The following CCDC6 variants were observed in gnomAD, a reference collection of about 807,000 sequenced individuals.
CCDC6 encodes coiled-coil domain containing 6.
In CCDC6, 20 loss-of-function variants were observed where a neutral mutation model predicts 56.6. The observed-to-expected ratio is 0.35, with a 90% CI of 0.25 to 0.51. The LOEUF (loss-of-function observed/expected upper bound fraction) is 0.51, where lower values mean the gene tolerates loss of function less well. Among genes scored for constraint, CCDC6 ranks in the 20% least tolerant of loss-of-function variants. CCDC6 has a pLI of 0.95. For missense variants in CCDC6, 367 were observed against 601.1 expected (o/e 0.61, Z 4.07); for synonymous variants, 241 against 234.4 (o/e 1.03, Z -0.26).
In CCDC6 at chr10:59,789,251, G is replaced by A. The variant is rs1247684022; in HGVS notation, c.*3666C>T. 1.3e-5 allele frequency: 3 copies of A among 231,522 alleles called. No individual in the cohort carries two copies. Among genetic ancestry groups the A allele is most frequent in the Non-Finnish European group, 1.7e-5 (2 of 116,902 alleles). The allele number at this position is 231,522 out of a possible 1,614,324, so 14.3% of individuals were successfully genotyped here. On this transcript the variant is annotated 3_prime_UTR_variant, in exon 9 of 9. Transcript: ENST00000263102. ...AAGAACTAAAGTTGTGCAGTAACCCGAGTTAAGGCATGAATGCAGACACAC... is the reference window on the plus strand; with the variant it reads ...AAGAACTAAAGTTGTGCAGTAACCCAAGTTAAGGCATGAATGCAGACACAC...
At chr10:59,906,098 G>C in intron 1 of CCDC6, 24 bp downstream of exon 1, 1 of 1,550,374 alleles carries the variant, frequency 6.5e-7, no homozygotes, top group Non-Finnish European at 8.7e-7. Flanking sequence ...TCGGCGCTGC[G>C]GCGCGTCCCC....
At position 59,832,541 on chromosome 10, in the gene CCDC6, T is replaced by C; in HGVS notation, c.566A>G (p.Gln189Arg). 1 of 1,613,172 alleles carries C rather than the reference T, an allele frequency of 6.2e-7. No homozygotes were observed. Among genetic ancestry groups the C allele is most frequent in the Non-Finnish European group, 8.5e-7 (1 of 1,179,420 alleles). The change falls in exon 3 of 9, where the codon CAA (glutamine) becomes CGA (arginine). Residue 189 changes from glutamine (Q) to arginine (R), a missense_variant. Gln to Arg is a conservative substitution (Grantham distance 43). Around this residue, in one of 7 missense-constraint regions of CCDC6, gnomAD observed 31 missense variants for 124.2 expected, o/e 0.25. Coordinates refer to ENST00000263102, the MANE Select transcript of CCDC6 (RefSeq NM_005436.5). ...KKLENDTISK[Q>R]LTLEQLRREK... Reference sequence around the variant, plus strand: ...GGTGCTTACCTGTTCTAATGTAAGTTGCTTAGAAATGGTGTCATTCTCCAG... The same window carrying C: ...GGTGCTTACCTGTTCTAATGTAAGTCGCTTAGAAATGGTGTCATTCTCCAG...
rs369768938 is a variant in CCDC6 at position 59,869,135 on chromosome 10, C to G, written c.304-16433G>C. Among the ~76,000 whole-genome samples the G allele has an allele frequency of 3.3e-5, 5 of 152,094 alleles. No individual in the cohort carries two copies. The East Asian group carries it at 7.7e-4, about 24-fold the overall frequency. On this transcript the variant is annotated intron_variant, in intron 1 of 8. Transcript: ENST00000263102. ...CCATAGGAAAGAGCACACTTCATCCCTACCACGCCCTAATGATCTCAGTGT... is the reference window on the plus strand; with the variant it reads ...CCATAGGAAAGAGCACACTTCATCCGTACCACGCCCTAATGATCTCAGTGT...
At position 59,789,799 on chromosome 10, in the gene CCDC6, A is replaced by C; in HGVS notation, c.*3118T>G. Reference sequence around the variant, plus strand: ...ATTCTCTAAAAGCAAGGCTTTGTGCAGGAAAAGTTCATGTCTACCTAACAA... The same window carrying C: ...ATTCTCTAAAAGCAAGGCTTTGTGCCGGAAAAGTTCATGTCTACCTAACAA... On this transcript the variant is annotated 3_prime_UTR_variant, in exon 9 of 9. Transcript: ENST00000263102. 4.5e-6 allele frequency: 1 copy of C among 220,490 alleles called. No individual in the cohort carries two copies. The highest frequency in any genetic ancestry group is 9.1e-6 in the Non-Finnish European group (1 of 109,740). The allele number at this position is 220,490 out of a possible 1,614,324, so 13.7% of individuals were successfully genotyped here. A position where few individuals can be genotyped will look rare whatever the true frequency, so the allele number is the denominator to read the frequency against.
intron 1 of CCDC6, among the ~76,000 whole-genome samples, chr10:59,877,828 A>G (rs1156341643): frequency 6.6e-6 from 1 of 152,232 alleles, no homozygotes; most frequent in Non-Finnish European, 1.5e-5. Flanking sequence ...GGGTAACCAG[A>G]GCCAAGCAAC....
chr10:59,889,185 T>C (rs2071403932), intron 1 of CCDC6, among the ~76,000 whole-genome samples: 1 of 152,202 alleles, frequency 6.6e-6, no homozygotes, highest in African/African-American at 2.4e-5. Flanking sequence ...GCCTGGAAGA[T>C]ATTCAGGTGC....
intron 1 of CCDC6, among the ~76,000 whole-genome samples, chr10:59,871,328 A>T (rs746229175): frequency 2.5e-4 from 38 of 152,030 alleles, no homozygotes; most frequent in Non-Finnish European, 5.3e-4. Context: ...TATACGAAGC[A>T]CTCAAGTACG....
intron 2 of CCDC6, among the ~76,000 whole-genome samples, chr10:59,842,637 T>C (rs1475114991): frequency 6.6e-6 from 1 of 152,202 alleles, no homozygotes; most frequent in Non-Finnish European, 1.5e-5. Context: ...TGATTGAGGC[T>C]GTAGTATAAT....
chr10:59,798,482 C>T (rs955471447), intron 7 of CCDC6, among the ~76,000 whole-genome samples: 2 of 152,068 alleles, frequency 1.3e-5, no homozygotes, highest in Non-Finnish European at 1.5e-5. Context: ...TTTCCATTTC[C>T]AATTGTGGAG....
intron 3 of CCDC6, among the ~76,000 whole-genome samples, chr10:59,830,754 T>C (rs2070828360): frequency 6.6e-6 from 1 of 152,188 alleles, no homozygotes; most frequent in African/African-American, 2.4e-5. Flanking sequence ...GGCAGGACTT[T>C]TTCCCAGGAA....
intron 1 of CCDC6, among the ~76,000 whole-genome samples, chr10:59,866,615 G>A (rs1275480530): frequency 2.0e-5 from 3 of 152,006 alleles, no homozygotes; most frequent in East Asian, 1.9e-4. Context: ...CACACATTTC[G>A]GCCTCACGTC....
At chr10:59,855,241 G>A (rs2071072134) in intron 1 of CCDC6, among the ~76,000 whole-genome samples, 2 of 152,146 alleles carry the variant, frequency 1.3e-5, no homozygotes, top group Non-Finnish European at 2.9e-5. Flanking sequence ...AGATTTCACC[G>A]TAACATAAAA....
intron 1 of CCDC6, among the ~76,000 whole-genome samples, chr10:59,890,815 T>C (rs2071416724): frequency 6.6e-6 from 1 of 152,176 alleles, no homozygotes; most frequent in African/African-American, 2.4e-5. Flanking sequence ...ATGTGCCATG[T>C]TGGTGTGCTG....
At chr10:59,828,038 T>C (rs2132641259) in intron 3 of CCDC6, among the ~76,000 whole-genome samples, 1 of 152,322 alleles carries the variant, frequency 6.6e-6, no homozygotes, top group African/African-American at 2.4e-5. Context: ...TCACTTATTA[T>C]ATAAACTAAT....
chr10:59,889,191 G>T (rs956368217), intron 1 of CCDC6, among the ~76,000 whole-genome samples: 18 of 152,214 alleles, frequency 1.2e-4, no homozygotes, highest in African/African-American at 4.1e-4. Flanking sequence ...AAGATATTCA[G>T]GTGCAGAGCT....
rs796935001 is a variant in CCDC6 at position 59,791,960 on chromosome 10, T to C, written c.*957A>G. 1.8e-5 allele frequency: 4 copies of C among 221,476 alleles called. No homozygotes were observed. The highest frequency in any genetic ancestry group is 6.7e-5 in the East Asian group (1 of 15,002). 13.7% of individuals were successfully genotyped at this position (221,476 alleles called of 1,614,324 possible). ...CCATTATGCCAAGATAATGCGATAA[T>C]GTCCATTTCAAATAGTATTTTCTAA... is the stretch of plus-strand genomic sequence containing the variant. On this transcript the variant is annotated 3_prime_UTR_variant, in exon 9 of 9. Transcript: ENST00000263102.
chr10:59,901,326 G>C (rs904001454), intron 1 of CCDC6, among the ~76,000 whole-genome samples: 3 of 152,114 alleles, frequency 2.0e-5, no homozygotes, highest in African/African-American at 7.2e-5. Flanking sequence ...CATTTATAAA[G>C]GCAATATCGA....
chr10:59,885,159 A>C (rs2132678051), intron 1 of CCDC6, among the ~76,000 whole-genome samples: 1 of 152,346 alleles, frequency 6.6e-6, no homozygotes, highest in Non-Finnish European at 1.5e-5. Flanking sequence ...CGTGTGAATC[A>C]GGGAAAGGAA....
intron 1 of CCDC6, among the ~76,000 whole-genome samples, chr10:59,862,615 C>A (rs1207143981): frequency 6.7e-6 from 1 of 148,338 alleles, no homozygotes; most frequent in Non-Finnish European, 1.5e-5. Context: ...GAAAATGACA[C>A]AAGCAGGCAT....
Sources: gnomAD v4.1 joint callset for allele counts (sites outside exome capture counted in the v4.1 genomes callset) on GRCh38, gnomAD v4.1.1 for gene constraint, gnomAD v4.1.1 regional missense constraint, MANE v1.5 for transcripts, NCBI Gene and HGNC (gene_info 2026-07-23, HGNC 2026-07-21) for gene names.